Variants in ZFHX3 observed in about 807,000 individuals in gnomAD.
The protein encoded by ZFHX3 is zinc finger homeobox 3.
Under a neutral mutation model 279.1 loss-of-function variants are expected in ZFHX3, and 42 were observed. The observed-to-expected ratio is 0.15, with a 90% CI of 0.12 to 0.19. ZFHX3 has a LOEUF of 0.19. ZFHX3 is among the 10% of genes least tolerant of loss of function. ZFHX3 has a pLI of 1.00. For synonymous variants in ZFHX3, 2,293 were observed against 1,957.8 expected (o/e 1.17, Z -4.52); for missense variants, 4,981 against 4,754.0 (o/e 1.05, Z -1.40).
chr16:73,522,987 G>A (rs543216705), intron 2 of ZFHX3, among the ~76,000 whole-genome samples: 102 of 152,220 alleles, frequency 6.7e-4, no homozygotes, highest in African/African-American at 2.3e-3. Context: ...AGGTAACTGC[G>A]CCCATAATTC....
intron 2 of ZFHX3, among the ~76,000 whole-genome samples, chr16:73,498,805 C>A (rs1298941095): frequency 6.6e-6 from 1 of 152,172 alleles, no homozygotes; most frequent in African/African-American, 2.4e-5. Flanking sequence ...GGGGTTTAAC[C>A]TGGGGCAACT....
At chr16:73,556,827 G>A (rs955147677) in intron 2 of ZFHX3, among the ~76,000 whole-genome samples, 1 of 151,826 alleles carries the variant, frequency 6.6e-6, no homozygotes, top group African/African-American at 2.4e-5. Flanking sequence ...CGGGCGCGGT[G>A]GCTCATGCCT....
intron 2 of ZFHX3, among the ~76,000 whole-genome samples, chr16:73,638,133 A>G (rs1390667715): frequency 6.6e-6 from 1 of 152,204 alleles, no homozygotes; most frequent in Non-Finnish European, 1.5e-5. Flanking sequence ...AAGAGTCACA[A>G]AATGATCACA....
intron 5 of ZFHX3, among the ~76,000 whole-genome samples, chr16:72,824,806 C>T (rs1266146560): frequency 6.6e-6 from 1 of 152,198 alleles, no homozygotes; most frequent in Non-Finnish European, 1.5e-5. Context: ...AATCATTGCT[C>T]AGTTGCTGAC....
chr16:72,989,806 A>G (rs755829384), intron 1 of ZFHX3, among the ~76,000 whole-genome samples: 8 of 152,338 alleles, frequency 5.3e-5, no homozygotes, highest in Non-Finnish European at 8.8e-5. Context: ...CCAGGTATCA[A>G]ATTATATGTT....
At chr16:73,241,607 A>G (rs1268564888) in intron 5 of ZFHX3, among the ~76,000 whole-genome samples, 1 of 152,054 alleles carries the variant, frequency 6.6e-6, no homozygotes, top group Non-Finnish European at 1.5e-5. Context: ...CCTGACCAAC[A>G]TGGAGAAACC....
intron 5 of ZFHX3, among the ~76,000 whole-genome samples, chr16:73,253,670 T>C (rs2013578757): frequency 6.6e-6 from 1 of 151,970 alleles, no homozygotes; most frequent in South Asian, 2.1e-4. Context: ...TTAACTAGGA[T>C]GGTCTTGATC....
At chr16:73,477,154 T>A (rs2018779153) in intron 2 of ZFHX3, among the ~76,000 whole-genome samples, 1 of 152,366 alleles carries the variant, frequency 6.6e-6, no homozygotes, top group South Asian at 2.1e-4. Flanking sequence ...GCCCACCTGC[T>A]ACAGATTCAC....
At chr16:73,712,917 T>G (rs1318504112) in intron 1 of ZFHX3, among the ~76,000 whole-genome samples, 1 of 152,184 alleles carries the variant, frequency 6.6e-6, no homozygotes, top group Non-Finnish European at 1.5e-5. Flanking sequence ...TGAGGTCCTA[T>G]GTACATTGCA....
intron 3 of ZFHX3, among the ~76,000 whole-genome samples, chr16:73,323,807 G>A (rs1474075686): frequency 1.3e-5 from 2 of 152,160 alleles, no homozygotes; most frequent in African/African-American, 4.8e-5. Flanking sequence ...GTAGAGCAGT[G>A]GGTAGCTAGG....
chr16:73,397,362 T>C (rs1418222903), intron 3 of ZFHX3, among the ~76,000 whole-genome samples: 2 of 152,024 alleles, frequency 1.3e-5, no homozygotes, highest in African/African-American at 4.8e-5. Flanking sequence ...AGTGATGGGG[T>C]CAGAGGGTCA....
intron 1 of ZFHX3, among the ~76,000 whole-genome samples, chr16:73,001,676 C>G (rs1433358075): frequency 6.6e-6 from 1 of 151,778 alleles, no homozygotes; most frequent in Admixed American, 6.6e-5. Flanking sequence ...AAAGGTTAGC[C>G]AAGTGTGGTG....
intron 1 of ZFHX3, among the ~76,000 whole-genome samples, chr16:73,687,828 CAGAG>C (rs2053105689): frequency 2.6e-5 from 1 of 39,030 alleles, no homozygotes. Flanking sequence ...AAACTGGTGA[CAGAG>C]CAAGACTCTG....
chr16:73,550,241 C>T (rs1409373904), intron 2 of ZFHX3, among the ~76,000 whole-genome samples: 1 of 152,098 alleles, frequency 6.6e-6, no homozygotes, highest in Non-Finnish European at 1.5e-5. Flanking sequence ...TATTGGCGTC[C>T]AAATCATTCT....
At chr16:72,897,247 A>AGCTTCTC (rs2038922310) in intron 3 of ZFHX3, among the ~76,000 whole-genome samples, 1 of 152,226 alleles carries the variant, frequency 6.6e-6, no homozygotes, top group African/African-American at 2.4e-5. Flanking sequence ...CAACAGCTTC[A>AGCTTCTC]GCTTCTCGCT....
chr16:73,017,235 A>G (rs549058104), intron 1 of ZFHX3, among the ~76,000 whole-genome samples: 31 of 124,254 alleles, frequency 2.5e-4, no homozygotes, highest in African/African-American at 7.9e-4. Context: ...TCCCATCTCG[A>G]AAAAAAAAAA....
intron 3 of ZFHX3, among the ~76,000 whole-genome samples, chr16:73,370,035 G>C (rs760584280): frequency 3.3e-5 from 5 of 152,184 alleles, no homozygotes; most frequent in Admixed American, 3.3e-4. Flanking sequence ...CAACTGTAAT[G>C]TCAAGGCCAA....
chr16:73,272,143 T>G (rs1439352180), intron 4 of ZFHX3, among the ~76,000 whole-genome samples: 1 of 152,226 alleles, frequency 6.6e-6, no homozygotes, highest in Non-Finnish European at 1.5e-5. Flanking sequence ...CTAACCGTAT[T>G]TATTTAAAGG....
chr16:73,472,278 A>C (rs1024034323), intron 2 of ZFHX3, among the ~76,000 whole-genome samples: 2 of 151,728 alleles, frequency 1.3e-5, no homozygotes, highest in Non-Finnish European at 2.9e-5. Context: ...TAAAAAAAAA[A>C]AAAAAAAAAC....
Sources: allele counts gnomAD v4.1 joint callset (sites outside exome capture counted in the v4.1 genomes callset), GRCh38; gene constraint gnomAD v4.1.1; transcripts MANE v1.5; gene names NCBI Gene and HGNC (gene_info 2026-07-23, HGNC 2026-07-21).